Variants in ANXA6 observed in about 807,000 individuals in gnomAD.
The protein encoded by ANXA6 is annexin A6.
A neutral mutation model predicts 95.4 loss-of-function variants in ANXA6; 71 were observed. The observed-to-expected ratio is 0.74, with a 90% CI of 0.61 to 0.91. The LOEUF (loss-of-function observed/expected upper bound fraction) is 0.91. Among genes scored for constraint, ANXA6 ranks in the 40% least tolerant of loss-of-function variants. The probability of loss-of-function intolerance (pLI) is 0.00; values close to 1 mark genes in which losing one functional copy is unlikely to be tolerated. For missense variants in ANXA6, 830 were observed against 876.4 expected (o/e 0.95, Z 0.67); for synonymous variants, 289 against 315.9 (o/e 0.91, Z 0.90).
intron 25 of ANXA6, among the ~76,000 whole-genome samples, chr5:151,102,866 A>T (rs1013561524): frequency 1.4e-4 from 21 of 152,370 alleles, no homozygotes; most frequent in Non-Finnish European, 2.4e-4. Context: ...GAGAGAGCTT[A>T]GTGGGATGAT....
intron 14 of ANXA6, among the ~76,000 whole-genome samples, chr5:151,124,766 A>G (rs1029742675): frequency 3.3e-5 from 5 of 152,130 alleles, no homozygotes; most frequent in Non-Finnish European, 7.4e-5. Context: ...CCTCTTAAAG[A>G]GTCATTCCCC....
rs368961879 is a variant in ANXA6 at position 151,124,286 on chromosome 5, C to T, written c.1138G>A (p.Gly380Arg). 7.4e-6 allele frequency: 12 copies of T among 1,613,276 alleles called. No individual in the cohort carries two copies. Among genetic ancestry groups the T allele is most frequent in the East Asian group, 2.2e-5 (1 of 44,850 alleles). Residue 380 changes from glycine (G) to arginine (R), a missense_variant and splice_region_variant, in exon 15 of 26, where the codon GGG becomes AGG. Transcript: ENST00000354546. ...KALRKAMKGL[G>R]TDEDTIIDII... is the part of the protein sequence containing the mutation. ...CCTGCTCCCTTCCCATCCCCCATAC[C>T]GAGTCCCTTCATGGCTTTCCGCAGC...
At chr5:151,101,601 G>C (rs34443409) in intron 25 of ANXA6, 94 bp from the exon 26 acceptor site, 2 of 1,116,978 alleles carry the variant, frequency 1.8e-6, no homozygotes, top group South Asian at 2.7e-5. Context: ...CATCTCCCTC[G>C]GCTTCTCTCC....
chr5:151,133,952 C>A (rs1485426314), intron 8 of ANXA6, among the ~76,000 whole-genome samples: 1 of 152,214 alleles, frequency 6.6e-6, no homozygotes, highest in African/African-American at 2.4e-5. Context: ...TCCTCAACAA[C>A]AGGGACTATG....
At chr5:151,150,555 A>C (rs981991176) in intron 1 of ANXA6, among the ~76,000 whole-genome samples, 1 of 152,184 alleles carries the variant, frequency 6.6e-6, no homozygotes, top group African/African-American at 2.4e-5. Context: ...AGCTGAGGAC[A>C]GTCATCATAT....
chr5:151,149,014 A>T (rs199694552), intron 1 of ANXA6, among the ~76,000 whole-genome samples: 3,080 of 15,684 alleles, frequency 0.2, 145 homozygotes, highest in East Asian at 0.53. Flanking sequence ...ATCTCTATTA[A>T]AAAAAAATAA....
At chr5:151,105,354 C>G (rs918147164) in intron 23 of ANXA6, 51 bp from the exon 24 acceptor site, 48 of 1,557,362 alleles carry the variant, frequency 3.1e-5, no homozygotes, top group Non-Finnish European at 4.0e-5. Context: ...GGCTGTGAAC[C>G]CAGACTCTGG....
At chr5:151,132,623 G>A in intron 9 of ANXA6, 52 bp from the exon 10 acceptor site, 2 of 1,474,498 alleles carry the variant, frequency 1.4e-6, no homozygotes, top group Admixed American at 2.0e-5. Context: ...GTACCCCCGA[G>A]AAGAAATGAG....
chr5:151,104,048 G>A (rs1426064713), intron 24 of ANXA6, among the ~76,000 whole-genome samples: 2 of 152,146 alleles, frequency 1.3e-5, no homozygotes, highest in Non-Finnish European at 2.9e-5. Flanking sequence ...GAAGAGGGAG[G>A]GCACAGACAT....
At chr5:151,119,799 T>C (rs561744098) in intron 17 of ANXA6, among the ~76,000 whole-genome samples, 1 of 152,378 alleles carries the variant, frequency 6.6e-6, no homozygotes, top group African/African-American at 2.4e-5. Flanking sequence ...TTCTTCTTTT[T>C]TACTCTATTT....
chr5:151,144,184 A>G (rs1198450801), intron 2 of ANXA6, among the ~76,000 whole-genome samples: 3 of 152,118 alleles, frequency 2.0e-5, no homozygotes, highest in Non-Finnish European at 2.9e-5. Flanking sequence ...AGACTCTAAC[A>G]TCCTAGTGTG....
At position 151,119,293 on chromosome 5, in the gene ANXA6, A is replaced by G. The variant is rs1463930807; in HGVS notation, c.1438+7T>C. ...CCAGCATCTGGGCCCAGGCCTCCCA[A>G]ACTCACCCTCCTTATAGGCCTCATT... On this transcript the variant is annotated splice_region_variant and intron_variant, in intron 18 of 25. Coordinates refer to ENST00000354546, the MANE Select transcript of ANXA6 (RefSeq NM_001155.5). 2 of 1,612,286 alleles carry G rather than the reference A, an allele frequency of 1.2e-6. No individual in the cohort carries two copies. Among genetic ancestry groups the G allele is most frequent in the South Asian group, 1.1e-5 (1 of 91,006 alleles).
intron 17 of ANXA6, 93 bp from the exon 18 acceptor site, chr5:151,119,483 A>G: frequency 9.1e-7 from 1 of 1,096,392 alleles, no homozygotes. Context: ...CAGGCCAAGC[A>G]TTCCTGGATT....
intron 7 of ANXA6, among the ~76,000 whole-genome samples, chr5:151,135,186 A>G (rs1216362155): frequency 6.6e-6 from 1 of 152,168 alleles, no homozygotes; most frequent in Non-Finnish European, 1.5e-5. Flanking sequence ...GCATTCCAGG[A>G]TCTCAAACCC....
At chr5:151,119,253 G>A in intron 18 of ANXA6, 47 bp downstream of exon 18, 8 of 1,514,684 alleles carry the variant, frequency 5.3e-6, no homozygotes, top group South Asian at 1.1e-5. Flanking sequence ...GAAGTTGGGG[G>A]GCCTGGCTGT....
rs1024012287 is a variant in ANXA6, at chr5:151,148,036, G to T, written c.-25-110C>A. The T allele has an allele frequency of 4.6e-6, 5 of 1,083,478 alleles. No homozygotes were observed. In the African/African-American group the frequency reaches 4.7e-5, roughly 10 times the overall value. The allele number at this position is 1,083,478 out of a possible 1,614,324, so 67.1% of individuals were successfully genotyped here. A position where few individuals can be genotyped will look rare whatever the true frequency, so the allele number is the denominator to read the frequency against. ...TTTCCAGCTGCCCCCAGCCCTTCAG[G>T]TTAAATCAGACCCAATGACCCAGCT... On this transcript the variant is annotated intron_variant, in intron 1 of 25. Coordinates refer to ENST00000354546, the MANE Select transcript of ANXA6 (RefSeq NM_001155.5).
intron 20 of ANXA6, among the ~76,000 whole-genome samples, chr5:151,111,825 T>C (rs1764858193): frequency 6.6e-6 from 1 of 151,098 alleles, no homozygotes; most frequent in Non-Finnish European, 1.5e-5. Flanking sequence ...TCCTCCTGCC[T>C]TGGCCTCCCA....
chr5:151,109,795 T>C lies in ANXA6; in HGVS notation c.1642A>G (p.Met548Val). The change falls in exon 22 of 26, where the codon ATG becomes GTG. Residue 548 changes from methionine (M) to valine (V), a missense_variant. Physicochemically the swap from Met to Val is conservative, Grantham distance 21. Transcript: ENST00000354546. Reference sequence around the variant, plus strand: ...TAGCTCCGGGTACACAGGATCGTCATGAAACGTGTCTCCAAGGAAGTTTTG... The same window carrying C: ...TAGCTCCGGGTACACAGGATCGTCACGAAACGTGTCTCCAAGGAAGTTTTG... ...GDKTSLETRF[M>V]TILCTRSYPH... The C allele has an allele frequency of 6.2e-7, 1 of 1,611,780 alleles. No individual in the cohort carries two copies. The highest frequency in any genetic ancestry group is 8.5e-7 in the Non-Finnish European group (1 of 1,178,932).
intron 2 of ANXA6, among the ~76,000 whole-genome samples, chr5:151,146,297 A>T (rs1358618220): frequency 1.3e-5 from 2 of 152,206 alleles, no homozygotes; most frequent in Non-Finnish European, 2.9e-5. Flanking sequence ...GACTACACAT[A>T]GGAAATGGGG....
Sources: gnomAD v4.1 joint callset for allele counts (sites outside exome capture counted in the v4.1 genomes callset) on GRCh38, gnomAD v4.1.1 for gene constraint, MANE v1.5 for transcripts, NCBI Gene and HGNC (gene_info 2026-07-23, HGNC 2026-07-21) for gene names.